Variants in NSF observed in about 807,000 individuals in gnomAD.
The protein encoded by NSF is vesicle-fusing ATPase.
NSF carries 14 observed loss-of-function variants against 50.3 expected under a neutral mutation model. The ratio of observed to expected loss-of-function variants is 0.28; its 90% CI spans 0.18 to 0.44. The LOEUF is 0.44. Among genes scored for constraint, NSF ranks in the 20% least tolerant of loss-of-function variants. The pLI is 1.00. For synonymous variants in NSF, 109 were observed against 175.7 expected, an observed-to-expected ratio of 0.62 and a Z score of 3.00; for missense variants, 218 against 504.3, an observed-to-expected ratio of 0.43 and a Z score of 5.44.
In NSF at chr17:46,749,920, C is replaced by T; in HGVS notation, c.2043+13C>T. ...GGAAGCTTTGGAGGTAAAAATGAGTCAATGGATTGCACACTGTTTATAAGA... is the reference window on the plus strand; with the variant it reads ...GGAAGCTTTGGAGGTAAAAATGAGTTAATGGATTGCACACTGTTTATAAGA... On this transcript the variant is annotated intron_variant, in intron 18 of 20. Transcript: ENST00000398238. The T allele has an allele frequency of 6.2e-7, 1 of 1,613,062 alleles. No homozygotes were observed. Among genetic ancestry groups the T allele is most frequent in the Non-Finnish European group, 8.5e-7 (1 of 1,179,478 alleles).
Position 46,719,981 on chromosome 17 carries a change from G to A in NSF, c.1761+5995G>A, listed in dbSNP as rs758517789. 6.6e-6 allele frequency among the ~76,000 whole-genome samples: 1 copy of A among 152,126 alleles called. No individual in the cohort carries two copies. The highest frequency in any genetic ancestry group is 1.5e-5 in the Non-Finnish European group (1 of 68,014). The stretch of plus-strand genomic sequence containing the variant: ...ATTTTCCTTTCCACTAGCTTTGCAC[G>A]AAAGAAATAATCTTCTTTGAATATC... On this transcript the variant is annotated intron_variant, in intron 15 of 20. Transcript: ENST00000398238. The surrounding 1 kb of genome is among the most constrained non-coding windows in gnomAD (Gnocchi z 4.3).
Position 46,755,389 on chromosome 17 carries a change from A to G in NSF, c.2213+20A>G, listed in dbSNP as rs1040105916. ...AGGAGCGTAAGTACATACAACATTT[A>G]ATGACCATCAACCAAACTTACCACC... On this transcript the variant is annotated intron_variant, in intron 20 of 20. Coordinates refer to ENST00000398238, the MANE Select transcript of NSF (RefSeq NM_006178.4). 3.7e-6 allele frequency: 6 copies of G among 1,600,916 alleles called. No individual in the cohort carries two copies. Among genetic ancestry groups the G allele is most frequent in the Non-Finnish European group, 4.3e-6 (5 of 1,168,052 alleles).
At chr17:46,613,152 C>T (rs2058028340) in intron 1 of NSF, among the ~76,000 whole-genome samples, 1 of 40,916 alleles carries the variant, frequency 2.4e-5, no homozygotes, top group African/African-American at 7.3e-5. Flanking sequence ...GTGGTGTGTG[C>T]CTGTAGTCCC....
intron 15 of NSF, chr17:46,721,490 T>C: frequency 2.5e-6 from 2 of 791,020 alleles, no homozygotes; most frequent in Non-Finnish European, 4.2e-6. Flanking sequence ...ATTTTACCTG[T>C]TCTACAGGAA....
intron 13 of NSF, 66 bp downstream of exon 13, chr17:46,704,920 TA>T: frequency 2.0e-6 from 3 of 1,520,210 alleles, no homozygotes; most frequent in Non-Finnish European, 2.7e-6. Flanking sequence ...AGGCGAAAAG[TA>T]AGTGCCATTT....
Position 46,721,587 on chromosome 17 carries a change from A to G in NSF, c.1762-4962A>G, listed in dbSNP as rs757173012. On this transcript the variant is annotated intron_variant, in intron 15 of 20. Coordinates refer to ENST00000398238, the MANE Select transcript of NSF (RefSeq NM_006178.4). The stretch of plus-strand genomic sequence containing the variant: ...TTTTATTTAGCCATTTTTGTTTACA[A>G]TTGAAACTCTGGGAATTCAAAATTA... 1.4e-5 allele frequency: 21 copies of G among 1,547,734 alleles called. 1 individual carries two copies. Among genetic ancestry groups the G allele is most frequent in the Middle Eastern group, 2.3e-4 (1 of 4,354 alleles).
At chr17:46,710,261 C>T (rs974046158) in intron 13 of NSF, among the ~76,000 whole-genome samples, 3 of 152,148 alleles carry the variant, frequency 2.0e-5, no homozygotes, top group Admixed American at 6.5e-5. Flanking sequence ...AAGTTATTGA[C>T]TACTTTTGGC....
rs1325449056 is a variant in NSF at position 46,751,716 on chromosome 17, G to GTTTTGA, written c.2157+105_2157+110dup. 6.2e-6 allele frequency: 4 copies of GTTTTGA among 647,562 alleles called. No individual in the cohort carries two copies. In the African/African-American group the frequency reaches 7.4e-5, roughly 12 times the overall value. 40.1% of individuals were successfully genotyped at this position (647,562 alleles called of 1,614,324 possible). Reference sequence around the variant, plus strand: ...TTTGCCAAGGTTTTAATTAATTTAAGTTTTGATTTTCTTATATTATTTCCA... The same window carrying GTTTTGA: ...TTTGCCAAGGTTTTAATTAATTTAAGTTTTGATTTTGATTTTCTTATATTATTTCCA... On this transcript the variant is annotated intron_variant, in intron 19 of 20. Transcript: ENST00000398238.
intron 17 of NSF, among the ~76,000 whole-genome samples, chr17:46,748,820 G>A (rs2059155340): frequency 6.6e-6 from 1 of 152,144 alleles, no homozygotes; most frequent in Admixed American, 6.5e-5. Flanking sequence ...ACTAAGCAAA[G>A]GGGAAAAAGG....
chr17:46,690,624 A>AAAAT (rs1381328687), intron 9 of NSF, among the ~76,000 whole-genome samples: 20,999 of 108,116 alleles, frequency 0.19, 2,518 homozygotes, highest in Non-Finnish European at 0.25. Flanking sequence ...AAAAAAAAAA[A>AAAAT]ATATATATAT....
chr17:46,704,890 A>G, intron 13 of NSF, 36 bp downstream of exon 13: 1 of 1,571,448 alleles, frequency 6.4e-7, no homozygotes, highest in Admixed American at 1.9e-5. Context: ...TAGGCCAAAA[A>G]GTAATGATAA....
At chr17:46,752,691 A>G (rs1359272769) in intron 19 of NSF, among the ~76,000 whole-genome samples, 3 of 152,146 alleles carry the variant, frequency 2.0e-5, no homozygotes, top group Admixed American at 1.3e-4. Context: ...CCCGAGCTCA[A>G]GTAATCCGTC....
chr17:46,754,149 C>CTT (rs71363599), intron 19 of NSF, among the ~76,000 whole-genome samples: 1,521 of 133,974 alleles, frequency 0.011, 16 homozygotes, highest in Middle Eastern at 0.02. Context: ...CCAGCCAGTT[C>CTT]TTTTTTTTTT....
intron 13 of NSF, 59 bp downstream of exon 13, chr17:46,704,913 C>G (rs62074084): frequency 0.16 from 240,152 of 1,493,064 alleles, no homozygotes; most frequent in Non-Finnish European, 0.19. Flanking sequence ...ATAACTCAGG[C>G]GAAAAGTAAG....
chr17:46,718,281 C>G lies in NSF; in HGVS notation c.1761+4295C>G, dbSNP rs563527103. 4.4e-4 allele frequency among the ~76,000 whole-genome samples: 67 copies of G among 152,284 alleles called. 1 individual carries two copies. The South Asian group carries it at 0.014, about 32-fold the overall frequency. ...GCCACAGACTGGCCCTCGAGGGCACCCTGCCATACTGGCCATGCCGGGCCA... is the reference window on the plus strand; with the variant it reads ...GCCACAGACTGGCCCTCGAGGGCACGCTGCCATACTGGCCATGCCGGGCCA... On this transcript the variant is annotated intron_variant, in intron 15 of 20. Transcript: ENST00000398238.
intron 15 of NSF, among the ~76,000 whole-genome samples, chr17:46,724,337 A>G (rs1215347280): frequency 6.6e-6 from 1 of 152,154 alleles, no homozygotes; most frequent in Non-Finnish European, 1.5e-5. Flanking sequence ...TTACACTACT[A>G]TATCTCCGTC....
intron 17 of NSF, among the ~76,000 whole-genome samples, chr17:46,734,539 A>G (rs1025440554): frequency 6.6e-6 from 1 of 151,712 alleles, no homozygotes; most frequent in African/African-American, 2.4e-5. Flanking sequence ...TAGATTGAAC[A>G]TGTGTGTGTG....
chr17:46,613,166 T>C (rs2146124277), intron 1 of NSF, among the ~76,000 whole-genome samples: 1 of 40,366 alleles, frequency 2.5e-5, no homozygotes, highest in Admixed American at 2.2e-4. Flanking sequence ...TAGTCCCAGC[T>C]ACTTTGGAGG....
At chr17:46,707,193 C>A (rs904366412) in intron 13 of NSF, among the ~76,000 whole-genome samples, 1 of 152,156 alleles carries the variant, frequency 6.6e-6, no homozygotes, top group African/African-American at 2.4e-5. Context: ...AAAATGAGAT[C>A]TCATTTCAGT....
Sources: allele counts gnomAD v4.1 joint callset (sites outside exome capture counted in the v4.1 genomes callset), GRCh38; gene constraint gnomAD v4.1.1; non-coding constraint Gnocchi (gnomAD v3.1); transcripts MANE v1.5; gene names NCBI Gene and HGNC (gene_info 2026-07-23, HGNC 2026-07-21).